The following KLHL14 variants were observed in gnomAD, a reference collection of about 807,000 sequenced individuals.
KLHL14 encodes kelch-like protein 14.
In KLHL14, 22 loss-of-function variants were observed where a neutral mutation model predicts 64.3. The ratio of observed to expected loss-of-function variants is 0.34; its 90% CI spans 0.24 to 0.49. KLHL14 has a LOEUF of 0.49. Among genes scored for constraint, KLHL14 ranks in the 20% least tolerant of loss-of-function variants. The pLI, the probability that KLHL14 is intolerant of heterozygous loss-of-function variation, is 0.99. For synonymous variants in KLHL14, 322 were observed against 333.4 expected (o/e 0.97, Z 0.37); for missense variants, 661 against 789.0 (o/e 0.84, Z 1.94).
At chr18:32,690,150 T>C (rs988750888) in intron 4 of KLHL14, among the ~76,000 whole-genome samples, 3 of 151,898 alleles carry the variant, frequency 2.0e-5, no homozygotes, top group East Asian at 3.9e-4. Flanking sequence ...GGATGGGCCA[T>C]AGAAGCTAAG....
intron 5 of KLHL14, among the ~76,000 whole-genome samples, chr18:32,684,211 A>C (rs2049858957): frequency 1.3e-5 from 2 of 152,212 alleles, no homozygotes; most frequent in African/African-American, 4.8e-5. Flanking sequence ...ATTCATTGGC[A>C]CTACATTTAA....
intron 3 of KLHL14, among the ~76,000 whole-genome samples, chr18:32,710,551 A>T (rs577745311): frequency 3.4e-4 from 51 of 152,210 alleles, no homozygotes; most frequent in Non-Finnish European, 7.2e-4. Context: ...GCTGTATATG[A>T]AACAGAAAAG....
intron 3 of KLHL14, chr18:32,734,386 C>A (rs62092113): frequency 3.2e-6 from 2 of 621,620 alleles, no homozygotes; most frequent in Admixed American, 2.6e-5. Context: ...CTCTGTGGAG[C>A]AGATGCCCTC....
At chr18:32,748,934 C>A (rs1198152997) in intron 2 of KLHL14, among the ~76,000 whole-genome samples, 1 of 152,156 alleles carries the variant, frequency 6.6e-6, no homozygotes, top group African/African-American at 2.4e-5. Context: ...ATTATCATTA[C>A]CACCACCATC....
intron 7 of KLHL14, among the ~76,000 whole-genome samples, chr18:32,679,410 T>G (rs1448246629): frequency 6.6e-6 from 1 of 152,126 alleles, no homozygotes; most frequent in Non-Finnish European, 1.5e-5. Context: ...TGAAGGAGAT[T>G]TTAGAGATCA....
At chr18:32,772,135 A>AGCC (rs750776770) in intron 1 of KLHL14, 1 of 260,308 alleles carries the variant, frequency 3.8e-6, no homozygotes, top group African/African-American at 2.4e-5. Flanking sequence ...CCCGGGGGAG[A>AGCC]GCCGCCGCCG....
chr18:32,684,258 T>C (rs2049859209), intron 5 of KLHL14, among the ~76,000 whole-genome samples: 1 of 152,222 alleles, frequency 6.6e-6, no homozygotes, highest in Non-Finnish European at 1.5e-5. Context: ...GTCAGTAAAT[T>C]CATAGCCAGC....
intron 2 of KLHL14, among the ~76,000 whole-genome samples, chr18:32,747,300 C>T (rs1297782812): frequency 6.6e-6 from 1 of 152,072 alleles, no homozygotes; most frequent in East Asian, 1.9e-4. Flanking sequence ...ATTTATTGTG[C>T]ACTTTATTTC....
chr18:32,755,042 G>C (rs1031358272), intron 2 of KLHL14, among the ~76,000 whole-genome samples: 2 of 151,958 alleles, frequency 1.3e-5, no homozygotes, highest in Non-Finnish European at 2.9e-5. Flanking sequence ...TCCTGCTTAG[G>C]GACACCCTGC....
In KLHL14 at chr18:32,769,677, G is replaced by C. The variant is rs199692514; in HGVS notation, c.915C>G (p.Phe305Leu). The part of the protein sequence containing the change: ...LDAMNYHLMP[F>L]RQHCRQSLAS... ...CCAGGCTCTGCCTGCAGTGCTGCCTGAAGGGCATCAGGTGGTAGTTCATGG... is the reference window on the plus strand; with the variant it reads ...CCAGGCTCTGCCTGCAGTGCTGCCTCAAGGGCATCAGGTGGTAGTTCATGG... The change falls in exon 2 of 9, where the codon TTC becomes TTG. Residue 305 changes from phenylalanine (F) to leucine (L), a missense_variant. By Grantham distance (22) the Phe-to-Leu change is conservative. This residue lies in a region of KLHL14 where 330 missense variants were observed against 450.0 expected (regional missense o/e 0.73). Transcript: ENST00000359358. The C allele has an allele frequency of 3.3e-4, 509 of 1,550,318 alleles. 10 individuals are homozygous for C. The South Asian group carries it at 6.2e-3, about 19-fold the overall frequency.
At chr18:32,772,146 C>A in intron 1 of KLHL14, 1 of 272,172 alleles carries the variant, frequency 3.7e-6, no homozygotes, top group Non-Finnish European at 7.4e-6. Context: ...GCCGCCGCCG[C>A]CGCCCGGCTC....
chr18:32,753,968 G>T (rs2050269351), intron 2 of KLHL14, among the ~76,000 whole-genome samples: 1 of 152,248 alleles, frequency 6.6e-6, no homozygotes, highest in African/African-American at 2.4e-5. Context: ...TGCGTGGCAA[G>T]CATTAGCTCT....
intron 4 of KLHL14, among the ~76,000 whole-genome samples, chr18:32,693,972 TG>T (rs1436555344): frequency 1.4e-5 from 2 of 141,264 alleles, no homozygotes; most frequent in Non-Finnish European, 3.2e-5. Flanking sequence ...GGTGTTTTTT[TG>T]TTTTGTTTTG....
intron 3 of KLHL14, chr18:32,738,560 A>T (rs989342066): frequency 6.6e-6 from 1 of 152,162 alleles, no homozygotes; most frequent in Admixed American, 6.6e-5. Flanking sequence ...TCATTTTTAC[A>T]TGTTATTTCT....
At chr18:32,721,914 C>CAT (rs2050081917) in intron 3 of KLHL14, among the ~76,000 whole-genome samples, 1 of 151,866 alleles carries the variant, frequency 6.6e-6, no homozygotes, top group African/African-American at 2.4e-5. Context: ...TTTGGCTCAG[C>CAT]GTCTCCACCC....
At chr18:32,746,133 C>T (rs2050222726) in intron 2 of KLHL14, among the ~76,000 whole-genome samples, 1 of 152,154 alleles carries the variant, frequency 6.6e-6, no homozygotes, top group Non-Finnish European at 1.5e-5. Flanking sequence ...TCAAATACTC[C>T]TTTCACTCTT....
chr18:32,694,258 T>C (rs1208866210), intron 4 of KLHL14, among the ~76,000 whole-genome samples: 2 of 152,240 alleles, frequency 1.3e-5, no homozygotes, highest in Non-Finnish European at 2.9e-5. Context: ...GGCTGCACAC[T>C]ATGTGTTTGC....
At chr18:32,756,242 T>C (rs1004538435) in intron 2 of KLHL14, among the ~76,000 whole-genome samples, 1 of 152,190 alleles carries the variant, frequency 6.6e-6, no homozygotes, top group African/African-American at 2.4e-5. Flanking sequence ...GAAAAGGCCA[T>C]GTGGGCATAC....
chr18:32,735,415 T>C (rs1187069690), intron 3 of KLHL14, among the ~76,000 whole-genome samples: 1 of 152,172 alleles, frequency 6.6e-6, no homozygotes, highest in Non-Finnish European at 1.5e-5. Context: ...CCATTGAAGT[T>C]CCTGTATGGC....
Sources: allele counts gnomAD v4.1 joint callset (sites outside exome capture counted in the v4.1 genomes callset), GRCh38; gene constraint gnomAD v4.1.1; regional missense constraint gnomAD v4.1.1; transcripts MANE v1.5; gene names NCBI Gene and HGNC (gene_info 2026-07-23, HGNC 2026-07-21).